NRG3: variants seen among roughly 807,000 people sequenced by gnomAD.
NRG3 encodes the protein neuregulin 3, also known as pro-neuregulin-3, membrane-bound isoform.
In NRG3, 31 loss-of-function variants were observed where a neutral mutation model predicts 66.9. The observed-to-expected ratio is 0.46, with a 90% CI of 0.35 to 0.63. NRG3 has a LOEUF of 0.63. Among genes scored for constraint, NRG3 ranks in the 20% least tolerant of loss-of-function variants. The probability of loss-of-function intolerance (pLI) is 0.00; values close to 1 mark genes in which losing one functional copy is unlikely to be tolerated. For synonymous variants in NRG3, 393 were observed against 359.4 expected (o/e 1.09, Z -1.06); for missense variants, 910 against 878.9 (o/e 1.04, Z -0.45).
At chr10:82,361,176 C>T (rs1468782705) in intron 2 of NRG3, among the ~76,000 whole-genome samples, 1 of 152,136 alleles carries the variant, frequency 6.6e-6, no homozygotes, top group African/African-American at 2.4e-5. Flanking sequence ...TTTTGTAACA[C>T]ACATAAGCAG....
intron 1 of NRG3, among the ~76,000 whole-genome samples, chr10:81,912,471 C>T (rs991827950): frequency 1.1e-4 from 16 of 152,160 alleles, no homozygotes; most frequent in African/African-American, 3.6e-4. Context: ...ATTCTCTTGC[C>T]GTGGCTTCCC....
intron 2 of NRG3, among the ~76,000 whole-genome samples, chr10:82,498,821 A>G (rs998113020): frequency 1.3e-5 from 2 of 152,134 alleles, no homozygotes; most frequent in African/African-American, 4.8e-5. Flanking sequence ...TTGAGAAAGC[A>G]TAAGCAAAAA....
At chr10:82,614,119 C>A (rs1174280188) in intron 2 of NRG3, among the ~76,000 whole-genome samples, 2 of 133,696 alleles carry the variant, frequency 1.5e-5, no homozygotes, top group African/African-American at 6.2e-5. Context: ...AGGCTGGTCT[C>A]AAACTCCTGA....
Position 82,180,061 on chromosome 10 carries a change from A to G in NRG3, c.824-178678A>G, listed in dbSNP as rs565001547. Among the ~76,000 whole-genome samples, 147 of 151,900 alleles carry G rather than the reference A, an allele frequency of 9.7e-4. 2 individuals carry two copies. The highest frequency in any genetic ancestry group is 1.8e-3 in the Admixed American group (27 of 15,210). ...GATTGTTCATTGTTAGTGTATAAACACAACTGATTTTTGCATGTTGATTTT... is the reference window on the plus strand; with the variant it reads ...GATTGTTCATTGTTAGTGTATAAACGCAACTGATTTTTGCATGTTGATTTT... On this transcript the variant is annotated intron_variant, in intron 1 of 8. Transcript: ENST00000372141.
In NRG3 at chr10:82,663,065, C is replaced by A. The variant is rs568341000; in HGVS notation, c.954-75512C>A. On this transcript the variant is annotated intron_variant, in intron 2 of 8. Transcript: ENST00000372141. ...CTCATTGCCATTATAAATAAAAAAC[C>A]ATGTTCTCTTACCAAGAAAGGAGAA... Among the ~76,000 whole-genome samples, 3 of 152,280 alleles carry A rather than the reference C, an allele frequency of 2.0e-5. No individual in the cohort carries two copies. In the East Asian group the frequency reaches 5.8e-4, roughly 29 times the overall value.
rs2046091840 is a variant in NRG3, at chr10:82,577,405, A to G, written c.954-161172A>G. Among the ~76,000 whole-genome samples the G allele has an allele frequency of 2.0e-5, 3 of 151,816 alleles. No individual in the cohort carries two copies. In the Admixed American group the frequency reaches 2.0e-4, roughly 10 times the overall value. On this transcript the variant is annotated intron_variant, in intron 2 of 8. Transcript: ENST00000372141. ...TTTTATAGTTATAGGAATAAGAACA[A>G]ATTTTACAAAAATCATTGTAAGTTA...
At chr10:82,905,355 C>A (rs1478611012) in intron 4 of NRG3, among the ~76,000 whole-genome samples, 1 of 152,080 alleles carries the variant, frequency 6.6e-6, no homozygotes, top group Non-Finnish European at 1.5e-5. Context: ...GCCTTAATTT[C>A]TTTGTCTTCT....
At chr10:82,638,243 A>C (rs756777594) in intron 2 of NRG3, among the ~76,000 whole-genome samples, 2 of 152,206 alleles carry the variant, frequency 1.3e-5, no homozygotes, top group Non-Finnish European at 2.9e-5. Flanking sequence ...GAACATACCG[A>C]TTTCCATGCC....
At chr10:82,773,365 TG>T (rs2059785816) in intron 3 of NRG3, among the ~76,000 whole-genome samples, 2 of 152,182 alleles carry the variant, frequency 1.3e-5, no homozygotes, top group South Asian at 4.1e-4. Context: ...AATGAAATGT[TG>T]GGCATTGTTA....
rs1589234141 is a variant in NRG3 at position 82,979,102 on chromosome 10, A to G, written c.1565A>G (p.Asp522Gly). ...GAAGAATCAAGGATCCCAGACCAGGATACGATACCTTGCCAAGGGTAGGTC... is the reference window on the plus strand; with the variant it reads ...GAAGAATCAAGGATCCCAGACCAGGGTACGATACCTTGCCAAGGGTAGGTC... ...QLEESRIPDQDTIPCQGYSSS... is the reference protein window; with the variant it reads ...QLEESRIPDQGTIPCQGYSSS... Residue 522 changes from aspartate to glycine, a missense_variant, in exon 8 of 9, where the codon GAT becomes GGT. Transcript: ENST00000372141. 1.2e-6 allele frequency: 2 copies of G among 1,614,058 alleles called. No individual in the cohort carries two copies. The highest frequency in any genetic ancestry group is 1.7e-6 in the Non-Finnish European group (2 of 1,179,952).
chr10:82,294,116 A>T (rs2079906733), intron 1 of NRG3, among the ~76,000 whole-genome samples: 1 of 152,148 alleles, frequency 6.6e-6, no homozygotes, highest in Admixed American at 6.5e-5. Context: ...TTACTCAAAA[A>T]GAGAAAGAGC....
intron 1 of NRG3, among the ~76,000 whole-genome samples, chr10:81,957,680 C>CA (rs1335157896): frequency 6.6e-6 from 1 of 152,186 alleles, no homozygotes; most frequent in Non-Finnish European, 1.5e-5. Context: ...GGAGCAATTA[C>CA]ATCAAGTAGA....
At chr10:82,372,916 G>A (rs970997527) in intron 2 of NRG3, among the ~76,000 whole-genome samples, 1 of 152,164 alleles carries the variant, frequency 6.6e-6, no homozygotes, top group South Asian at 2.1e-4. Context: ...TTAGATGTAG[G>A]AAATGATTTT....
chr10:82,806,268 T>C (rs562755771), intron 3 of NRG3, among the ~76,000 whole-genome samples: 3 of 152,326 alleles, frequency 2.0e-5, no homozygotes, highest in African/African-American at 7.2e-5. Context: ...TTATAGGTCT[T>C]TTCAACAATG....
chr10:82,951,362 A>G (rs1849498699), intron 4 of NRG3, 107 bp from the exon 5 acceptor site: 2 of 782,324 alleles, frequency 2.6e-6, no homozygotes, highest in Non-Finnish European at 4.2e-6. Flanking sequence ...ACAGAAACCA[A>G]AAAGTTGGCT....
chr10:82,045,686 T>C (rs1229128161), intron 1 of NRG3, among the ~76,000 whole-genome samples: 1 of 74,326 alleles, frequency 1.3e-5, no homozygotes, highest in Non-Finnish European at 3.0e-5. Context: ...TCTTCTAGGG[T>C]TTTTATGGTT....
chr10:82,351,085 G>A (rs1449264471), intron 1 of NRG3, among the ~76,000 whole-genome samples: 7 of 152,162 alleles, frequency 4.6e-5, no homozygotes, highest in Non-Finnish European at 7.4e-5. Context: ...TGGTAGAAAC[G>A]GGGTTTCACC....
intron 4 of NRG3, among the ~76,000 whole-genome samples, chr10:82,901,124 A>T (rs1844179166): frequency 6.6e-6 from 1 of 152,222 alleles, no homozygotes; most frequent in South Asian, 2.1e-4. Context: ...TTTTAAATGA[A>T]TAGAATGTTT....
At chr10:82,707,929 A>G (rs1005272756) in intron 2 of NRG3, among the ~76,000 whole-genome samples, 1 of 150,536 alleles carries the variant, frequency 6.6e-6, no homozygotes, top group Non-Finnish European at 1.5e-5. Flanking sequence ...GGCTGAGGCA[A>G]GAGAATTGCT....
Sources: allele counts gnomAD v4.1 joint callset (sites outside exome capture counted in the v4.1 genomes callset), GRCh38; gene constraint gnomAD v4.1.1; transcripts MANE v1.5; gene names NCBI Gene and HGNC (gene_info 2026-07-23, HGNC 2026-07-21).